The following RBFOX1 variants were observed in gnomAD, a reference collection of about 807,000 sequenced individuals.
RBFOX1 encodes RNA binding fox-1 homolog 1.
Under a neutral mutation model 57.7 loss-of-function variants are expected in RBFOX1, and 8 were observed. The observed-to-expected ratio is 0.14, with a 90% CI of 0.08 to 0.25. The LOEUF (loss-of-function observed/expected upper bound fraction) is 0.25. Among genes scored for constraint, RBFOX1 ranks in the 10% least tolerant of loss-of-function variants. The pLI is 1.00. For missense variants in RBFOX1, 611 were observed against 548.5 expected (o/e 1.11, Z -1.14); for synonymous variants, 326 against 222.4 (o/e 1.47, Z -4.15).
intron 1 of RBFOX1, among the ~76,000 whole-genome samples, chr16:6,237,278 T>C (rs2097512218): frequency 6.6e-6 from 1 of 152,158 alleles, no homozygotes; most frequent in Non-Finnish European, 1.5e-5. Context: ...GAAATTGCAA[T>C]GTTAGAAGGT....
intron 12 of RBFOX1, among the ~76,000 whole-genome samples, chr16:7,662,646 C>A (rs115106850): frequency 6.6e-6 from 1 of 152,104 alleles, no homozygotes; most frequent in East Asian, 1.9e-4. Context: ...CAGAAATTGA[C>A]GAGTGGCTCT....
chr16:6,077,703 T>TATTTATTTATTC (rs1160247711), intron 1 of RBFOX1, among the ~76,000 whole-genome samples: 52 of 151,758 alleles, frequency 3.4e-4, no homozygotes, highest in African/African-American at 1.2e-3. Flanking sequence ...TTTATTTATT[T>TATTTATTTATTC]ATTTATTCAT....
At chr16:7,005,278 A>G (rs1167597182) in intron 3 of RBFOX1, among the ~76,000 whole-genome samples, 1 of 152,192 alleles carries the variant, frequency 6.6e-6, no homozygotes, top group Non-Finnish European at 1.5e-5. Flanking sequence ...GAACCTAAAG[A>G]TACTTGCCTC....
intron 3 of RBFOX1, among the ~76,000 whole-genome samples, chr16:5,634,075 T>C (rs754700523): frequency 1.3e-5 from 2 of 152,312 alleles, no homozygotes; most frequent in East Asian, 3.9e-4. Flanking sequence ...TAGTTGCAGT[T>C]TCTGAGGTCC....
At chr16:7,210,912 A>G (rs983524877) in intron 4 of RBFOX1, among the ~76,000 whole-genome samples, 3 of 151,598 alleles carry the variant, frequency 2.0e-5, no homozygotes, top group Non-Finnish European at 4.4e-5. Context: ...TCTCACTATA[A>G]AAGAAAAAAA....
intron 4 of RBFOX1, among the ~76,000 whole-genome samples, chr16:5,914,606 A>C (rs180804331): frequency 5.6e-4 from 85 of 152,292 alleles, no homozygotes; most frequent in African/African-American, 2.0e-3. Flanking sequence ...AAGAAAAAAA[A>C]GGGAGAGAGG....
intron 1 of RBFOX1, among the ~76,000 whole-genome samples, chr16:5,427,206 T>C (rs2067587676): frequency 6.6e-6 from 1 of 152,174 alleles, no homozygotes; most frequent in South Asian, 2.1e-4. Flanking sequence ...AGAGAATGAG[T>C]ACCATCAGAT....
chr16:7,119,346 A>T (rs1173968165), intron 4 of RBFOX1, among the ~76,000 whole-genome samples: 1 of 152,150 alleles, frequency 6.6e-6, no homozygotes, highest in East Asian at 1.9e-4. Flanking sequence ...CTTGTGGAAC[A>T]CCTACTCTGT....
chr16:6,334,000 G>T (rs1273810741), intron 2 of RBFOX1, among the ~76,000 whole-genome samples: 1 of 152,132 alleles, frequency 6.6e-6, no homozygotes, highest in East Asian at 1.9e-4. Flanking sequence ...TGGGGGTAGG[G>T]GGGAGCAGGA....
chr16:5,630,541 A>G (rs74004435), intron 3 of RBFOX1, among the ~76,000 whole-genome samples: 107 of 152,320 alleles, frequency 7.0e-4, no homozygotes, highest in African/African-American at 2.5e-3. Context: ...AAGTTCTTCA[A>G]TCTCTGCCTG....
intron 4 of RBFOX1, among the ~76,000 whole-genome samples, chr16:7,418,315 G>A (rs929901763): frequency 6.6e-6 from 1 of 152,168 alleles, no homozygotes; most frequent in African/African-American, 2.4e-5. Context: ...GTTTGAGTGG[G>A]GGACTTCATG....
At chr16:5,397,419 C>G (rs997786698) in intron 1 of RBFOX1, among the ~76,000 whole-genome samples, 2 of 152,198 alleles carry the variant, frequency 1.3e-5, no homozygotes, top group African/African-American at 4.8e-5. Context: ...CTGCACTGAG[C>G]CAACCTGAAA....
chr16:6,598,583 A>G (rs979439933), intron 2 of RBFOX1, among the ~76,000 whole-genome samples: 1 of 152,210 alleles, frequency 6.6e-6, no homozygotes, highest in Non-Finnish European at 1.5e-5. Flanking sequence ...TCAATATAAA[A>G]GGACTTGTAG....
chr16:7,096,040 G>T (rs1599368231), intron 4 of RBFOX1, among the ~76,000 whole-genome samples: 1 of 148,274 alleles, frequency 6.7e-6, no homozygotes, highest in Admixed American at 6.7e-5. Flanking sequence ...GAAAAGAAAA[G>T]AAAAAATAAA....
chr16:6,648,724 T>G (rs1400364642), intron 2 of RBFOX1, among the ~76,000 whole-genome samples: 3 of 152,194 alleles, frequency 2.0e-5, no homozygotes, highest in Non-Finnish European at 2.9e-5. Flanking sequence ...CATCACCTGG[T>G]CAGAACAGGC....
intron 4 of RBFOX1, among the ~76,000 whole-genome samples, chr16:7,140,468 A>G (rs2073459305): frequency 1.3e-5 from 2 of 152,046 alleles, no homozygotes; most frequent in African/African-American, 4.8e-5. Flanking sequence ...TAAGGAGAGA[A>G]ATGATTTCTT....
At chr16:6,991,593 G>T (rs921970443) in intron 3 of RBFOX1, among the ~76,000 whole-genome samples, 2 of 152,150 alleles carry the variant, frequency 1.3e-5, no homozygotes, top group Admixed American at 6.5e-5. Context: ...CTGGAGTTCA[G>T]TGGTGCAATC....
intron 15 of RBFOX1, chr16:7,709,727 C>T (rs796929751): frequency 8.4e-6 from 9 of 1,068,206 alleles, no homozygotes; most frequent in Admixed American, 7.5e-5. Flanking sequence ...TGTTTTGGGG[C>T]AGGTCTGGGT....
chr16:7,676,454 A>T (rs2073302334), intron 13 of RBFOX1, among the ~76,000 whole-genome samples: 1 of 152,184 alleles, frequency 6.6e-6, no homozygotes, highest in Admixed American at 6.5e-5. Context: ...TATAAAGAGT[A>T]TTTAAATAAT....
Sources: gnomAD v4.1 joint callset for allele counts (sites outside exome capture counted in the v4.1 genomes callset) on GRCh38, gnomAD v4.1.1 for gene constraint, MANE v1.5 for transcripts, NCBI Gene and HGNC (gene_info 2026-07-23, HGNC 2026-07-21) for gene names.